The following ASIC2 variants were observed in gnomAD, a reference collection of about 807,000 sequenced individuals.
The protein encoded by ASIC2 is acid sensing ion channel subunit 2.
In ASIC2, 25 loss-of-function variants were observed where a neutral mutation model predicts 57.3. The ratio of observed to expected loss-of-function variants is 0.44; its 90% CI spans 0.32 to 0.61. The LOEUF (loss-of-function observed/expected upper bound fraction) is 0.61. ASIC2 is among the 20% of genes least tolerant of loss of function. ASIC2 has a pLI of 0.06. For synonymous variants in ASIC2, 319 were observed against 307.5 expected, an observed-to-expected ratio of 1.04 and a Z score of -0.39; for missense variants, 641 against 738.1, an observed-to-expected ratio of 0.87 and a Z score of 1.52.
rs577348076 is a variant in ASIC2 at position 33,289,583 on chromosome 17, T to C, written c.708+1825A>G. ...GGTCAGAGAGGAAGGGTACCTGTGG[T>C]TTCTGTGTAATGCAATTAGTGGTAT... On this transcript the variant is annotated intron_variant, in intron 1 of 9. Transcript: ENST00000225823. 3.9e-5 allele frequency among the ~76,000 whole-genome samples: 6 copies of C among 152,266 alleles called. No homozygotes were observed. In the East Asian group the frequency reaches 1.2e-3, roughly 29 times the overall value.
At chr17:33,116,525 C>T (rs1031427546) in intron 1 of ASIC2, among the ~76,000 whole-genome samples, 1 of 152,192 alleles carries the variant, frequency 6.6e-6, no homozygotes, top group Non-Finnish European at 1.5e-5. Context: ...GATGGCAGGG[C>T]TGCATTTGCC....
chr17:33,788,393 T>C (rs904754986), intron 1 of ASIC2, among the ~76,000 whole-genome samples: 3 of 151,976 alleles, frequency 2.0e-5, no homozygotes, highest in Admixed American at 2.0e-4. Flanking sequence ...TATTAAAAAG[T>C]CAGGAAAAAA....
rs567403571 is a variant in ASIC2, at chr17:33,225,595, C to T, written c.708+65813G>A. Among the ~76,000 whole-genome samples, 15 of 152,314 alleles carry T rather than the reference C, an allele frequency of 9.8e-5. No homozygotes were observed. In the South Asian group the frequency reaches 1.2e-3, roughly 13 times the overall value. ...CTAGTCATTTCTGCTCCCAAGGGGT[C>T]GCTGACCCCATGGAGGTTAGGGGGA... On this transcript the variant is annotated intron_variant, in intron 1 of 9. Transcript: ENST00000225823.
intron 1 of ASIC2, among the ~76,000 whole-genome samples, chr17:34,097,746 G>C (rs1008483884): frequency 6.6e-6 from 1 of 152,034 alleles, no homozygotes. Context: ...TGGATACAGA[G>C]GCCCAACTAT....
At chr17:34,087,766 C>T (rs1035015641) in intron 1 of ASIC2, among the ~76,000 whole-genome samples, 3 of 151,872 alleles carry the variant, frequency 2.0e-5, no homozygotes, top group African/African-American at 4.8e-5. Context: ...TCTAAACTTC[C>T]CTTCTCACTT....
intron 3 of ASIC2, among the ~76,000 whole-genome samples, chr17:33,058,275 T>C (rs1291182040): frequency 6.6e-6 from 1 of 151,756 alleles, no homozygotes; most frequent in Non-Finnish European, 1.5e-5. Context: ...AGACCTGAAG[T>C]TGGAACTTGG....
At chr17:33,757,852 C>T (rs973911558) in intron 1 of ASIC2, among the ~76,000 whole-genome samples, 2 of 152,208 alleles carry the variant, frequency 1.3e-5, no homozygotes, top group Non-Finnish European at 2.9e-5. Flanking sequence ...GCTGTGTTGG[C>T]ATTCCAGGCA....
intron 1 of ASIC2, among the ~76,000 whole-genome samples, chr17:33,557,653 A>G (rs1466210132): frequency 6.6e-6 from 1 of 152,208 alleles, no homozygotes; most frequent in Non-Finnish European, 1.5e-5. Flanking sequence ...CAGCTTGTCC[A>G]AGACATATTT....
intron 3 of ASIC2, among the ~76,000 whole-genome samples, chr17:33,086,770 ATAGGGCCCC>A (rs2092135370): frequency 1.3e-5 from 2 of 152,154 alleles, no homozygotes; most frequent in African/African-American, 4.8e-5. Context: ...ACACCTGAAT[ATAGGGCCCC>A]TGTCTCCCCG....
At chr17:33,426,682 CA>C (rs1441908867) in intron 1 of ASIC2, among the ~76,000 whole-genome samples, 1 of 152,194 alleles carries the variant, frequency 6.6e-6, no homozygotes, top group Non-Finnish European at 1.5e-5. Flanking sequence ...TATTCACAAA[CA>C]TTGATTCAAG....
chr17:33,184,991 A>G (rs1419452934), intron 1 of ASIC2, among the ~76,000 whole-genome samples: 1 of 152,242 alleles, frequency 6.6e-6, no homozygotes, highest in Non-Finnish European at 1.5e-5. Flanking sequence ...CTCCTTTGAG[A>G]GCATTAATGA....
intron 1 of ASIC2, among the ~76,000 whole-genome samples, chr17:33,956,744 A>G (rs1317291334): frequency 2.0e-5 from 3 of 152,228 alleles, no homozygotes; most frequent in African/African-American, 7.2e-5. Flanking sequence ...GCCCATGAAC[A>G]AGTCCAGTTC....
At chr17:33,296,958 C>T (rs149478113), upstream of ASIC2, among the ~76,000 whole-genome samples, 2 of 152,358 alleles carry the variant, frequency 1.3e-5, no homozygotes, top group East Asian at 3.9e-4. Flanking sequence ...CAATTCTATT[C>T]TGGAACATCT....
chr17:33,760,502 A>C (rs919092018), intron 1 of ASIC2, among the ~76,000 whole-genome samples: 6 of 151,968 alleles, frequency 3.9e-5, no homozygotes, highest in African/African-American at 1.2e-4. Flanking sequence ...ATAGATATGC[A>C]TATATATAAA....
chr17:33,355,970 G>A (rs950536), intron 1 of ASIC2, among the ~76,000 whole-genome samples: 48,106 of 152,060 alleles, frequency 0.32, 8,026 homozygotes, highest in Admixed American at 0.38. Context: ...CTGGAGCTAG[G>A]GGTAGTGGTC....
chr17:33,115,457 C>A (rs2092277337), intron 1 of ASIC2, among the ~76,000 whole-genome samples: 1 of 152,228 alleles, frequency 6.6e-6, no homozygotes, highest in South Asian at 2.1e-4. Flanking sequence ...CCCTGACACA[C>A]TTTCTCCCTG....
intron 1 of ASIC2, among the ~76,000 whole-genome samples, chr17:33,203,889 G>A (rs1906967963): frequency 6.6e-6 from 1 of 152,148 alleles, no homozygotes; most frequent in African/African-American, 2.4e-5. Context: ...CTAAGTTAGG[G>A]GAGAAGGTTA....
chr17:34,037,196 T>C (rs1438633940), intron 1 of ASIC2: 1 of 155,966 alleles, frequency 6.4e-6, no homozygotes, highest in African/African-American at 2.4e-5. Context: ...TTACCTAAAC[T>C]TTATTAAAAG....
intron 1 of ASIC2, among the ~76,000 whole-genome samples, chr17:33,815,460 T>C (rs746928038): frequency 6.6e-6 from 1 of 152,210 alleles, no homozygotes; most frequent in Non-Finnish European, 1.5e-5. Flanking sequence ...CACTCACCCA[T>C]ATTTCTTAGC....
Sources: allele counts gnomAD v4.1 joint callset (sites outside exome capture counted in the v4.1 genomes callset), GRCh38; gene constraint gnomAD v4.1.1; transcripts MANE v1.5; gene names NCBI Gene and HGNC (gene_info 2026-07-23, HGNC 2026-07-21).